Variants in LRP1B observed in about 807,000 individuals in gnomAD.
LRP1B encodes low-density lipoprotein receptor-related protein 1B.
LRP1B carries 217 observed loss-of-function variants against 556.6 expected under a neutral mutation model. The observed-to-expected ratio is 0.39, with a 90% CI of 0.35 to 0.44. The LOEUF is 0.44. Among genes scored for constraint, LRP1B ranks in the 20% least tolerant of loss-of-function variants. The pLI, the probability that LRP1B is intolerant of heterozygous loss-of-function variation, is 1.00. For missense variants in LRP1B, 5,053 were observed against 5,620.8 expected, an observed-to-expected ratio of 0.90 and a Z score of 3.23; for synonymous variants, 2,047 against 1,865.8, an observed-to-expected ratio of 1.10 and a Z score of -2.50.
intron 5 of LRP1B, among the ~76,000 whole-genome samples, chr2:141,243,195 G>A (rs1429627054): frequency 2.0e-5 from 3 of 150,228 alleles, no homozygotes; most frequent in Non-Finnish European, 3.0e-5. Flanking sequence ...AAAATAGCTA[G>A]CTTTTGTGTA....
intron 3 of LRP1B, among the ~76,000 whole-genome samples, chr2:141,446,041 G>T (rs1167815856): frequency 6.6e-6 from 1 of 152,138 alleles, no homozygotes; most frequent in Non-Finnish European, 1.5e-5. Flanking sequence ...CATTATTATT[G>T]TGTGGGAGTG....
chr2:140,539,277 G>A (rs1680045742), intron 45 of LRP1B, among the ~76,000 whole-genome samples: 1 of 152,034 alleles, frequency 6.6e-6, no homozygotes. Context: ...CTTAGATGAG[G>A]ACACAGATGT....
intron 84 of LRP1B, among the ~76,000 whole-genome samples, chr2:140,275,058 C>T (rs1037178058): frequency 2.0e-5 from 3 of 152,060 alleles, no homozygotes; most frequent in African/African-American, 7.2e-5. Flanking sequence ...ATCGGTATAG[C>T]ACTGGAGGCT....
At position 141,445,003 on chromosome 2, in the gene LRP1B, T is replaced by C. The variant is rs567958864; in HGVS notation, c.343+35393A>G. Among the ~76,000 whole-genome samples, 9 of 152,348 alleles carry C rather than the reference T, an allele frequency of 5.9e-5. No homozygotes were observed. The South Asian group carries it at 1.2e-3, about 21-fold the overall frequency. On this transcript the variant is annotated intron_variant, in intron 3 of 90. Transcript: ENST00000389484. ...TTTGCAATAGTTTCAGAAGGAATGGTATCAGCTCCTCTCTGTACCTCTGGT... is the reference window on the plus strand; with the variant it reads ...TTTGCAATAGTTTCAGAAGGAATGGCATCAGCTCCTCTCTGTACCTCTGGT...
chr2:140,291,320 T>TATATATATATATA lies in LRP1B; in HGVS notation c.12967+6487_12967+6488insTATATATATATAT, dbSNP rs745524571. Among the ~76,000 whole-genome samples the TATATATATATATA allele has an allele frequency of 1.9e-3, 98 of 51,854 alleles. 6 individuals are homozygous for TATATATATATATA. The highest frequency in any genetic ancestry group is 0.011 in the Middle Eastern group (1 of 92). The allele number at this position is 51,854 out of a possible 152,430, so 34.0% of individuals were successfully genotyped here. A position where few individuals can be genotyped will look rare whatever the true frequency, so the allele number is the denominator to read the frequency against. On this transcript the variant is annotated intron_variant, in intron 84 of 90. Transcript: ENST00000389484. ...ATTTTATATATATATATATATATAT[T>TATATATATATATA]TTTATTATACTTTAAGTTCTAGGGT...
chr2:140,405,625 A>G (rs577473906), intron 66 of LRP1B, among the ~76,000 whole-genome samples: 2 of 152,330 alleles, frequency 1.3e-5, no homozygotes, highest in African/African-American at 4.8e-5. Flanking sequence ...TCCTGTAAAC[A>G]TACAATCCTC....
rs1468654443 is a variant in LRP1B at position 140,898,628 on chromosome 2, T to C, written c.3766+4292A>G. 1.1e-5 allele frequency: 4 copies of C among 368,152 alleles called. No homozygotes were observed. The Admixed American group carries it at 1.4e-4, about 12-fold the overall frequency. The allele number at this position is 368,152 out of a possible 1,614,324, so 22.8% of individuals were successfully genotyped here. ...TTCACTCTGTTGAAGAACCTCCCCC[T>C]GAACAACATAAACTGGTCTGCCTAA... On this transcript the variant is annotated intron_variant, in intron 23 of 90. Coordinates refer to ENST00000389484, the MANE Select transcript of LRP1B (RefSeq NM_018557.3).
At chr2:142,082,529 TG>T (rs1443042312) in intron 1 of LRP1B, among the ~76,000 whole-genome samples, 1 of 152,172 alleles carries the variant, frequency 6.6e-6, no homozygotes. Flanking sequence ...GATTTCTTGC[TG>T]GGAAAGAAGG....
intron 43 of LRP1B, among the ~76,000 whole-genome samples, chr2:140,558,249 A>T (rs1026347689): frequency 3.6e-4 from 55 of 152,144 alleles, no homozygotes; most frequent in Non-Finnish European, 4.6e-4. Context: ...GGCCGAACAA[A>T]TCCGAGTTTA....
chr2:141,935,029 A>G (rs1451963676), intron 1 of LRP1B, among the ~76,000 whole-genome samples: 2 of 143,606 alleles, frequency 1.4e-5, no homozygotes, highest in Non-Finnish European at 3.0e-5. Context: ...GAGTTGTCCT[A>G]GGAAAACTGG....
At chr2:141,817,567 T>G (rs906067635) in intron 1 of LRP1B, among the ~76,000 whole-genome samples, 4 of 152,108 alleles carry the variant, frequency 2.6e-5, no homozygotes, top group Non-Finnish European at 5.9e-5. Context: ...TGTCACAGAC[T>G]AGCTAATTTA....
chr2:141,587,136 A>G (rs180673599), intron 2 of LRP1B, among the ~76,000 whole-genome samples: 4 of 152,308 alleles, frequency 2.6e-5, no homozygotes, highest in Middle Eastern at 3.4e-3. Flanking sequence ...CAAATATGCA[A>G]AAAACTAGGA....
intron 2 of LRP1B, among the ~76,000 whole-genome samples, chr2:141,623,843 C>T (rs760131587): frequency 1.3e-5 from 2 of 151,166 alleles, no homozygotes; most frequent in African/African-American, 4.9e-5. Flanking sequence ...GGTGAAACTC[C>T]GTCTCTGCTA....
intron 41 of LRP1B, among the ~76,000 whole-genome samples, chr2:140,681,293 A>G (rs1207625205): frequency 6.6e-6 from 1 of 152,246 alleles, no homozygotes; most frequent in Non-Finnish European, 1.5e-5. Context: ...CAAATGAAAT[A>G]AAGAGAAAAG....
chr2:141,969,154 T>C (rs1416112554), intron 1 of LRP1B, among the ~76,000 whole-genome samples: 2 of 151,350 alleles, frequency 1.3e-5, no homozygotes, highest in African/African-American at 4.8e-5. Context: ...TTATAGTATA[T>C]ATTTATGGGG....
chr2:141,620,621 T>G (rs933270136), intron 2 of LRP1B, among the ~76,000 whole-genome samples: 2 of 152,240 alleles, frequency 1.3e-5, no homozygotes, highest in Non-Finnish European at 2.9e-5. Context: ...ATATGTTGAA[T>G]ATGTTAATAC....
At chr2:141,881,229 A>T (rs1698948871) in intron 1 of LRP1B, among the ~76,000 whole-genome samples, 1 of 152,156 alleles carries the variant, frequency 6.6e-6, no homozygotes. Flanking sequence ...AGAGAAGGGG[A>T]AGAAAAGTAG....
intron 15 of LRP1B, among the ~76,000 whole-genome samples, chr2:140,999,198 C>G (rs1487853162): frequency 6.6e-6 from 1 of 151,968 alleles, no homozygotes; most frequent in East Asian, 1.9e-4. Context: ...CTTAATATTT[C>G]CTAATATATT....
chr2:140,565,493 A>C (rs906126439), intron 43 of LRP1B, among the ~76,000 whole-genome samples: 2 of 152,050 alleles, frequency 1.3e-5, no homozygotes, highest in African/African-American at 4.8e-5. Flanking sequence ...AGTTTTACTT[A>C]TTTACATTTT....
Sources: gnomAD v4.1 joint callset for allele counts (sites outside exome capture counted in the v4.1 genomes callset) on GRCh38, gnomAD v4.1.1 for gene constraint, MANE v1.5 for transcripts, NCBI Gene and HGNC (gene_info 2026-07-23, HGNC 2026-07-21) for gene names.